Variants in FMN1 observed in about 807,000 individuals in gnomAD.
FMN1 encodes formin 1.
FMN1 carries 110 observed loss-of-function variants against 132.4 expected under a neutral mutation model. The observed-to-expected ratio is 0.83, with a 90% CI of 0.71 to 0.97. The LOEUF is 0.97. FMN1 is among the 50% of genes least tolerant of loss of function. The pLI, the probability that FMN1 is intolerant of heterozygous loss-of-function variation, is 0.00. For synonymous variants in FMN1, 722 were observed against 651.7 expected (o/e 1.11, Z -1.64); for missense variants, 1,792 against 1,705.3 (o/e 1.05, Z -0.90).
At position 32,969,085 on chromosome 15, in the gene FMN1, G is replaced by C; in HGVS notation, c.2616C>G (p.Pro872=). ...SNQQKALPPP[P]ASIPPPPPLP... is the part of the protein sequence containing the mutation. ...GGGGCGGAGGGGGAGGGATGGATGC[G>C]GGAGGCGGAGGCAATGCCTTCTGCT... Residue 872 remains proline, a synonymous_variant, in exon 8 of 21, where the codon CCC becomes CCG. Transcript: ENST00000616417. The C allele has an allele frequency of 6.2e-7, 1 of 1,603,212 alleles. No individual in the cohort carries two copies. Among genetic ancestry groups the C allele is most frequent in the Non-Finnish European group, 8.5e-7 (1 of 1,173,272 alleles).
intron 10 of FMN1, 64 bp downstream of exon 10, chr15:32,926,110 C>G (rs2060953155): frequency 2.3e-6 from 2 of 880,092 alleles, no homozygotes; most frequent in Non-Finnish European, 3.6e-6. Context: ...GTTTGACATT[C>G]TTCAGAATGA....
At chr15:33,025,218 A>T (rs989729939) in intron 6 of FMN1, among the ~76,000 whole-genome samples, 21 of 152,186 alleles carry the variant, frequency 1.4e-4, no homozygotes, top group Admixed American at 1.0e-3. Context: ...CTATGAAGCA[A>T]AAGAAGCTGA....
At chr15:33,080,780 G>A (rs577425416) in intron 5 of FMN1, among the ~76,000 whole-genome samples, 57 of 152,174 alleles carry the variant, frequency 3.7e-4, no homozygotes, top group Non-Finnish European at 7.9e-4. Flanking sequence ...CCAGCTACTC[G>A]GGAAGCTGAG....
At chr15:32,922,640 G>A (rs758446043) in intron 10 of FMN1, among the ~76,000 whole-genome samples, 10 of 152,220 alleles carry the variant, frequency 6.6e-5, no homozygotes, top group Non-Finnish European at 1.2e-4. Context: ...ATTTGTGGGA[G>A]ACAATTGCAG....
At chr15:32,957,298 C>G (rs28715686) in intron 9 of FMN1, among the ~76,000 whole-genome samples, 2 of 84,178 alleles carry the variant, frequency 2.4e-5, no homozygotes, top group Non-Finnish European at 2.2e-5. Context: ...CAGAGCAGTT[C>G]TTTTTTTTTT....
At chr15:33,122,598 A>G (rs1475152361) in intron 4 of FMN1, among the ~76,000 whole-genome samples, 1 of 152,242 alleles carries the variant, frequency 6.6e-6, no homozygotes, top group Non-Finnish European at 1.5e-5. Context: ...CCACTAGCTA[A>G]TGCAGCAGTA....
chr15:32,924,553 C>T (rs28485200), intron 10 of FMN1, among the ~76,000 whole-genome samples: 3,800 of 152,276 alleles, frequency 0.025, 68 homozygotes, highest in Non-Finnish European at 0.034. Flanking sequence ...CTGTGAAACT[C>T]ATACTAAATT....
intron 14 of FMN1, 25 bp downstream of exon 14, chr15:32,899,954 G>C (rs2060255607): frequency 1.2e-6 from 2 of 1,607,546 alleles, no homozygotes; most frequent in African/African-American, 2.7e-5. Context: ...GCAGATCATG[G>C]GAACTTATTA....
At position 32,971,788 on chromosome 15, in the gene FMN1, G is replaced by C. The variant is rs1205996001; in HGVS notation, c.2224-2311C>G. On this transcript the variant is annotated intron_variant, in intron 7 of 20. Coordinates refer to ENST00000616417, the MANE Select transcript of FMN1 (RefSeq NM_001277313.2). ...CCCTAATAAGGGAAATATTTTTGGT[G>C]AACTTATTGAGTTTCTGCCTCCCCT... is the stretch of plus-strand genomic sequence containing the variant. Among the ~76,000 whole-genome samples, 16 of 152,244 alleles carry C rather than the reference G, an allele frequency of 1.1e-4. 1 individual carries two copies. The highest frequency in any genetic ancestry group is 9.8e-4 in the Admixed American group (15 of 15,300).
intron 7 of FMN1, among the ~76,000 whole-genome samples, chr15:33,003,920 C>T (rs922108934): frequency 5.3e-5 from 8 of 152,070 alleles, no homozygotes; most frequent in African/African-American, 1.9e-4. Flanking sequence ...CTTTGACAAA[C>T]CTAACAAAAA....
At chr15:33,006,958 G>A (rs2034450164) in intron 7 of FMN1, among the ~76,000 whole-genome samples, 1 of 152,116 alleles carries the variant, frequency 6.6e-6, no homozygotes, top group Non-Finnish European at 1.5e-5. Context: ...TTAGATGTGA[G>A]AAATAAATTC....
chr15:32,835,956 G>A (rs1285206630), intron 17 of FMN1, among the ~76,000 whole-genome samples: 1 of 152,024 alleles, frequency 6.6e-6, no homozygotes, highest in Non-Finnish European at 1.5e-5. Context: ...AATCTTCTGG[G>A]CTCAAGTGTT....
At chr15:32,848,765 A>G (rs554713059) in intron 17 of FMN1, among the ~76,000 whole-genome samples, 2 of 152,320 alleles carry the variant, frequency 1.3e-5, no homozygotes, top group South Asian at 4.1e-4. Flanking sequence ...CTCACTGGTT[A>G]AAACACCCAA....
At chr15:32,936,267 GT>G (rs2061267853) in intron 9 of FMN1, among the ~76,000 whole-genome samples, 1 of 151,644 alleles carries the variant, frequency 6.6e-6, no homozygotes, top group African/African-American at 2.4e-5. Context: ...ATGCTCCCCT[GT>G]TTCTTTGTGT....
intron 4 of FMN1, among the ~76,000 whole-genome samples, chr15:33,114,405 T>C (rs1401611382): frequency 1.3e-5 from 2 of 152,216 alleles, no homozygotes; most frequent in Non-Finnish European, 2.9e-5. Flanking sequence ...GCAGAAATGA[T>C]AAAAATATGA....
At chr15:33,051,905 C>T (rs567222640) in intron 6 of FMN1, among the ~76,000 whole-genome samples, 1 of 152,322 alleles carries the variant, frequency 6.6e-6, no homozygotes, top group South Asian at 2.1e-4. Context: ...AAGTAACCCA[C>T]TTGGCCCTGT....
chr15:32,831,692 C>T (rs1287474854), intron 17 of FMN1, among the ~76,000 whole-genome samples: 1 of 151,234 alleles, frequency 6.6e-6, no homozygotes, highest in African/African-American at 2.4e-5. Context: ...GATAATCTCT[C>T]AGAGACTGAC....
intron 6 of FMN1, among the ~76,000 whole-genome samples, chr15:33,054,934 T>A (rs2219156): frequency 0.32 from 47,964 of 151,974 alleles, 7,726 homozygotes; most frequent in Non-Finnish European, 0.33. Context: ...ATTACAGAGT[T>A]ATAGTTGTAA....
chr15:32,893,027 G>C lies in FMN1; in HGVS notation c.3715-4735C>G, dbSNP rs150590013. Among the ~76,000 whole-genome samples the C allele has an allele frequency of 1.8e-4, 28 of 152,292 alleles. No individual in the cohort carries two copies. The East Asian group carries it at 5.4e-3, about 29-fold the overall frequency. ...GGCTTGTAAAACATGGTTCTGAGAT[G>C]TATGTACCTTTAGCAGGAGACATCT... is the stretch of plus-strand genomic sequence containing the variant. On this transcript the variant is annotated intron_variant, in intron 15 of 20. Coordinates refer to ENST00000616417, the MANE Select transcript of FMN1 (RefSeq NM_001277313.2).
Sources: gnomAD v4.1 joint callset for allele counts (sites outside exome capture counted in the v4.1 genomes callset) on GRCh38, gnomAD v4.1.1 for gene constraint, MANE v1.5 for transcripts, NCBI Gene and HGNC (gene_info 2026-07-23, HGNC 2026-07-21) for gene names.